The following OR6N2 variants were observed in gnomAD, a reference collection of about 807,000 sequenced individuals.
OR6N2 encodes the protein olfactory receptor family 6 subfamily N member 2.
For missense variants in OR6N2, 399 were observed against 379.7 expected (o/e 1.05, Z -0.42); for synonymous variants, 160 against 138.3 (o/e 1.16, Z -1.10).
At position 158,777,580 on chromosome 1, in the gene OR6N2, C is replaced by T. The variant is rs1316691746; in HGVS notation, c.56G>A (p.Ser19Asn). 6.2e-7 allele frequency: 1 copy of T among 1,614,042 alleles called. No individual in the cohort carries two copies. Among genetic ancestry groups the T allele is most frequent in the Admixed American group, 1.7e-5 (1 of 60,030 alleles). The change falls in exon 2 of 2, where the codon AGT becomes AAT. Residue 19 changes from serine to asparagine, a missense_variant. Coordinates refer to ENST00000641131, the MANE Select transcript of OR6N2 (RefSeq NM_001005278.2). ...LAEFVFLGFA[S>N]VGYVRGWLFV... ...AAGCCAGCCCCTGACATAGCCCACA[C>T]TGGCAAAGCCAAGGAACACAAATTC...
chr1:158,778,487 C>T (rs1358994275), intron 1 of OR6N2, among the ~76,000 whole-genome samples: 2 of 152,216 alleles, frequency 1.3e-5, no homozygotes, highest in Non-Finnish European at 2.9e-5. Flanking sequence ...ACATGTTCCC[C>T]TCTATGGTAA....
At position 158,777,243 on chromosome 1, in the gene OR6N2, G is replaced by C; in HGVS notation, c.393C>G (p.His131Gln). ...DRYLAICRPL[H>Q]YPIIMTTTLC... is the part of the protein sequence containing the mutation. ...GTGTGGTGGTCATAATTATAGGGTA[G>C]TGGAGGGGCCGACAAATGGCCAGGT... The change falls in exon 2 of 2, where the codon CAC becomes CAG. Residue 131 changes from histidine (H) to glutamine (Q), a missense_variant. Coordinates refer to ENST00000641131, the MANE Select transcript of OR6N2 (RefSeq NM_001005278.2). 6.2e-7 allele frequency: 1 copy of C among 1,614,138 alleles called. No individual in the cohort carries two copies. The highest frequency in any genetic ancestry group is 8.5e-7 in the Non-Finnish European group (1 of 1,180,012).
intron 1 of OR6N2, among the ~76,000 whole-genome samples, chr1:158,779,028 A>AAAAAAAAAG (rs1657681192): frequency 6.6e-6 from 1 of 151,452 alleles, no homozygotes; most frequent in African/African-American, 2.4e-5. Context: ...CAAAAAAAAA[A>AAAAAAAAAG]AAAAGAATGC....
chr1:158,774,882 A>G lies in OR6N2; in HGVS notation c.*1800T>C, dbSNP rs1657546496. The G allele has an allele frequency of 6.6e-6, 1 of 152,230 alleles. No individual in the cohort carries two copies. Among genetic ancestry groups the G allele is most frequent in the South Asian group, 2.1e-4 (1 of 4,832 alleles). The allele number at this position is 152,230 out of a possible 1,614,324, so 9.4% of individuals were successfully genotyped here. ...AATAGGGAAGACCGATGCATTCTAT[A>G]GAACAGTGGGTTTCAGTAATGATTA... On this transcript the variant is annotated 3_prime_UTR_variant, in exon 2 of 2. Transcript: ENST00000641131.
At position 158,777,428 on chromosome 1, in the gene OR6N2, C is replaced by T; in HGVS notation, c.208G>A (p.Glu70Lys). 6.2e-7 allele frequency: 1 copy of T among 1,614,126 alleles called. No individual in the cohort carries two copies. Among genetic ancestry groups the T allele is most frequent in the Non-Finnish European group, 8.5e-7 (1 of 1,180,002 alleles). The change falls in exon 2 of 2, where the codon GAG (glutamate) becomes AAG (lysine). Residue 70 changes from glutamate to lysine, a missense_variant. Physicochemically the swap from Glu to Lys is moderately conservative, Grantham distance 56. Coordinates refer to ENST00000641131, the MANE Select transcript of OR6N2 (RefSeq NM_001005278.2). ...YHFVSVLSFL[E>K]LWYTATTIPK... ...ATAGTGGTAGCTGTATACCACAACT[C>T]CAAGAAGGAAAGAACACTGACAAAG...
In OR6N2 at chr1:158,776,771, T is replaced by C. The variant is rs1176029329; in HGVS notation, c.865A>G (p.Ile289Val). Reference protein sequence around the residue: ...SVLTPMVNPIIYSLRNKEIIK... With the variant: ...SVLTPMVNPIVYSLRNKEIIK... ...ATTTCCTTGTTACGAAGACTGTAGA[T>C]AATTGGATTGACCATTGGTGTTAGT... Residue 289 changes from isoleucine to valine, a missense_variant, in exon 2 of 2, where the codon ATC becomes GTC. Coordinates refer to ENST00000641131, the MANE Select transcript of OR6N2 (RefSeq NM_001005278.2). 4 of 1,613,930 alleles carry C rather than the reference T, an allele frequency of 2.5e-6. No homozygotes were observed. Among genetic ancestry groups the C allele is most frequent in the African/African-American group, 2.7e-5 (2 of 74,940 alleles).
At position 158,774,954 on chromosome 1, in the gene OR6N2, G is replaced by A. The variant is rs1032095162; in HGVS notation, c.*1728C>T. ...AGGCCAAATATATTATTGACCAGGTGTGGGTAAAATTCATCACATGTTTCA... is the reference window on the plus strand; with the variant it reads ...AGGCCAAATATATTATTGACCAGGTATGGGTAAAATTCATCACATGTTTCA... On this transcript the variant is annotated 3_prime_UTR_variant, in exon 2 of 2. Transcript: ENST00000641131. 1 of 152,154 alleles carries A rather than the reference G, an allele frequency of 6.6e-6. No homozygotes were observed. The highest frequency in any genetic ancestry group is 6.5e-5 in the Admixed American group (1 of 15,274). The allele number at this position is 152,154 out of a possible 1,614,324, so 9.4% of individuals were successfully genotyped here. A position where few individuals can be genotyped will look rare whatever the true frequency, so the allele number is the denominator to read the frequency against.
In OR6N2 at chr1:158,779,018, C is replaced by CAA. The variant is rs10680954; in HGVS notation, c.-6-1379_-6-1378dup. Reference sequence around the variant, plus strand: ...TGGGCGACAGTGCGAGACTGCGTCTCAAAAAAAAAAAAAAGAATGCAGATT... The same window carrying CAA: ...TGGGCGACAGTGCGAGACTGCGTCTCAAAAAAAAAAAAAAAAGAATGCAGATT... On this transcript the variant is annotated intron_variant, in intron 1 of 1. Transcript: ENST00000641131. Among the ~76,000 whole-genome samples the CAA allele has an allele frequency of 1.5e-4, 13 of 86,384 alleles. 2 individuals carry two copies. The highest frequency in any genetic ancestry group is 5.5e-4 in the African/African-American group (10 of 18,036). The allele number at this position is 86,384 out of a possible 152,430, so 56.7% of individuals were successfully genotyped here.
intron 1 of OR6N2, among the ~76,000 whole-genome samples, chr1:158,779,440 A>G (rs1316418999): frequency 6.6e-6 from 1 of 152,254 alleles, no homozygotes; most frequent in Non-Finnish European, 1.5e-5. Flanking sequence ...GAATTCATTT[A>G]AACAATTCAT....
At chr1:158,777,814 CA>C (rs1657648938) in intron 1 of OR6N2, among the ~76,000 whole-genome samples, 173 bp from the exon 2 acceptor site, 1 of 152,180 alleles carries the variant, frequency 6.6e-6, no homozygotes. Flanking sequence ...CTCTTATTAG[CA>C]CTTACTATTC....
chr1:158,777,006 A>T lies in OR6N2; in HGVS notation c.630T>A (p.Thr210=). The change falls in exon 2 of 2, where the codon ACT becomes ACA. Residue 210 remains threonine (T), a synonymous_variant. Coordinates refer to ENST00000641131, the MANE Select transcript of OR6N2 (RefSeq NM_001005278.2). ...FAINAFIILI[T]FFFIMISYAR... is the part of the protein sequence containing the mutation. ...CATAAGAAATCATGATAAAGAAGAA[A>T]GTGATAAGAATTATGAAAGCATTAA... 2 of 1,614,206 alleles carry T rather than the reference A, an allele frequency of 1.2e-6. No homozygotes were observed. The highest frequency in any genetic ancestry group is 1.7e-6 in the Non-Finnish European group (2 of 1,180,040).
In OR6N2 at chr1:158,776,461, A is replaced by T. The variant is rs1382405701; in HGVS notation, c.*221T>A. On this transcript the variant is annotated 3_prime_UTR_variant, in exon 2 of 2. Coordinates refer to ENST00000641131, the MANE Select transcript of OR6N2 (RefSeq NM_001005278.2). ...CTAGGAAATATACATGCTTTTTTTT[A>T]AAAAAAGAAGTATGTAGATACTAAA... is the stretch of plus-strand genomic sequence containing the variant. 3.9e-5 allele frequency: 15 copies of T among 387,054 alleles called. No individual in the cohort carries two copies. Among genetic ancestry groups the T allele is most frequent in the African/African-American group, 1.7e-4 (8 of 48,132 alleles). The allele number at this position is 387,054 out of a possible 1,614,324, so 24.0% of individuals were successfully genotyped here.
intron 1 of OR6N2, 98 bp from the exon 2 acceptor site, chr1:158,777,739 A>T: frequency 1.4e-6 from 1 of 709,170 alleles, no homozygotes; most frequent in East Asian, 2.7e-5. Flanking sequence ...ACTTAAAAGT[A>T]GCACTGAAAT....
Position 158,777,401 on chromosome 1 carries a change from G to C in OR6N2, c.235C>G (p.Pro79Ala), listed in dbSNP as rs753276388. ...CTGAGAATATTAGACAACATCTTAG[G>C]GATAGTGGTAGCTGTATACCACAAC... ...LELWYTATTI[P>A]KMLSNILSEK... Residue 79 changes from proline (P) to alanine (A), a missense_variant, in exon 2 of 2, where the codon CCT (proline) becomes GCT (alanine). Coordinates refer to ENST00000641131, the MANE Select transcript of OR6N2 (RefSeq NM_001005278.2). The C allele has an allele frequency of 4.3e-6, 7 of 1,614,092 alleles. No homozygotes were observed. In the South Asian group the frequency reaches 6.6e-5, roughly 15 times the overall value.
At chr1:158,778,112 T>G (rs1657656942) in intron 1 of OR6N2, among the ~76,000 whole-genome samples, 1 of 152,186 alleles carries the variant, frequency 6.6e-6, no homozygotes, top group South Asian at 2.1e-4. Flanking sequence ...GAATTTTGGG[T>G]ATGAGATTAA....
chr1:158,780,014 T>C (rs864147), intron 1 of OR6N2, among the ~76,000 whole-genome samples: 97,897 of 152,034 alleles, frequency 0.64, 32,098 homozygotes, highest in African/African-American at 0.78. Flanking sequence ...ATGTTTTATT[T>C]TAGCCTAAAT....
In OR6N2 at chr1:158,776,870, T is replaced by C. The variant is rs1657611398; in HGVS notation, c.766A>G (p.Ile256Val). 3.1e-6 allele frequency: 5 copies of C among 1,614,164 alleles called. No homozygotes were observed. The highest frequency in any genetic ancestry group is 4.2e-6 in the Non-Finnish European group (5 of 1,180,024). ...TTCTTTAGCCGCACATACATGAAGA[T>C]GATGCTCCCAAAGAAGATGAGGACC... Reference protein sequence around the residue: ...AVVLIFFGSIIFMYVRLKKSY... With the variant: ...AVVLIFFGSIVFMYVRLKKSY... Residue 256 changes from isoleucine to valine, a missense_variant, in exon 2 of 2, where the codon ATC (isoleucine) becomes GTC (valine). By Grantham distance (29) the Ile-to-Val change is conservative (BLOSUM62 3). Transcript: ENST00000641131.
chr1:158,777,122 T>C lies in OR6N2; in HGVS notation c.514A>G (p.Asn172Asp). 2 of 1,614,112 alleles carry C rather than the reference T, an allele frequency of 1.2e-6. No homozygotes were observed. The highest frequency in any genetic ancestry group is 1.7e-6 in the Non-Finnish European group (2 of 1,180,014). Residue 172 changes from asparagine (N) to aspartate (D), a missense_variant, in exon 2 of 2, where the codon AAT (asparagine) becomes GAT (aspartate). Transcript: ENST00000641131. ...LASQLPFCAY[N>D]EIQHIFCDFP... The stretch of plus-strand genomic sequence containing the variant: ...TCACAGAAAATGTGTTGGATTTCAT[T>C]GTAAGCACAAAATGGGAGCTGGGAG...
In OR6N2 at chr1:158,777,137, G is replaced by A; in HGVS notation, c.499C>T (p.Pro167Ser). 1 of 1,614,116 alleles carries A rather than the reference G, an allele frequency of 6.2e-7. No individual in the cohort carries two copies. The highest frequency in any genetic ancestry group is 8.5e-7 in the Non-Finnish European group (1 of 1,180,028). The change falls in exon 2 of 2, where the codon CCA (proline) becomes TCA (serine). Residue 167 changes from proline to serine, a missense_variant. Transcript: ENST00000641131. ...TGGATTTCATTGTAAGCACAAAATG[G>A]GAGCTGGGAGGCAAGGATGACCTCA... The part of the protein sequence containing the change: ...ISEVILASQL[P>S]FCAYNEIQHI...
Sources: gnomAD v4.1 joint callset for allele counts (sites outside exome capture counted in the v4.1 genomes callset) on GRCh38, gnomAD v4.1.1 for gene constraint, MANE v1.5 for transcripts, NCBI Gene and HGNC (gene_info 2026-07-23, HGNC 2026-07-21) for gene names.